Variants in TBC1D16 observed in about 807,000 individuals in gnomAD.
TBC1D16 encodes CTD-2529O21.1.
In TBC1D16, 58 loss-of-function variants were observed where a neutral mutation model predicts 74.7. That is an observed-to-expected ratio of 0.78 (90% CI 0.63 to 0.97). The LOEUF is 0.97. Among genes scored for constraint, TBC1D16 ranks in the 50% least tolerant of loss-of-function variants. The probability of loss-of-function intolerance (pLI) is 0.00; values close to 1 mark genes in which losing one functional copy is unlikely to be tolerated. For missense variants in TBC1D16, 1,014 were observed against 1,079.5 expected, an observed-to-expected ratio of 0.94 and a Z score of 0.85; for synonymous variants, 493 against 474.7, an observed-to-expected ratio of 1.04 and a Z score of -0.50.
intron 3 of TBC1D16, chr17:79,992,952 G>C (rs1460724327): frequency 6.6e-6 from 1 of 152,262 alleles, no homozygotes; most frequent in East Asian, 1.9e-4. Flanking sequence ...GGCTGGTCTC[G>C]ACCCCACTCC....
intron 1 of TBC1D16, among the ~76,000 whole-genome samples, chr17:80,020,697 A>G (rs2036254406): frequency 6.7e-6 from 1 of 150,166 alleles, no homozygotes; most frequent in Non-Finnish European, 1.5e-5. Context: ...TGAAATAATA[A>G]ACTCCACATT....
chr17:79,983,741 G>A lies in TBC1D16; in HGVS notation c.779+26419C>T, dbSNP rs1015453383. ...CTGGGGAGGAAGGAGTGGAGCACTG[G>A]CCTCCTAGGAAGCTCTAGTTCAGAC... On this transcript the variant is annotated intron_variant, in intron 3 of 11. Transcript: ENST00000310924. The surrounding 1 kb of genome is among the most constrained non-coding windows in gnomAD (Gnocchi z 5.6). 5.9e-5 allele frequency among the ~76,000 whole-genome samples: 9 copies of A among 152,068 alleles called. No homozygotes were observed. The highest frequency in any genetic ancestry group is 1.2e-4 in the Non-Finnish European group (8 of 67,926).
At chr17:79,952,330 C>T (rs1234352856) in intron 4 of TBC1D16, 1 of 243,220 alleles carries the variant, frequency 4.1e-6, no homozygotes, top group African/African-American at 2.2e-5. Context: ...CAGAGCATCC[C>T]CCGGCGATCA....
At position 79,952,648 on chromosome 17, in the gene TBC1D16, G is replaced by C. The variant is rs553534912; in HGVS notation, c.941+9C>G. On this transcript the variant is annotated intron_variant, in intron 4 of 11. Transcript: ENST00000310924. ...CAACTCCCAGGAGGCGCCCAGAGATGCTTCCTACCTGAAGAAAAGGCGGAG... is the reference window on the plus strand; with the variant it reads ...CAACTCCCAGGAGGCGCCCAGAGATCCTTCCTACCTGAAGAAAAGGCGGAG... The C allele has an allele frequency of 5.7e-6, 9 of 1,586,246 alleles. No individual in the cohort carries two copies. In the Admixed American group the frequency reaches 1.4e-4, roughly 24 times the overall value.
chr17:79,971,856 G>A lies in TBC1D16; in HGVS notation c.780-19038C>T, dbSNP rs995072996. Among the ~76,000 whole-genome samples, 2 of 152,124 alleles carry A rather than the reference G, an allele frequency of 1.3e-5. No homozygotes were observed. Among genetic ancestry groups the A allele is most frequent in the Non-Finnish European group, 2.9e-5 (2 of 68,024 alleles). ...TGGGGGCTCTGGAAGGCTTCCTCTC[G>A]GAGCAGGTGGCATGGGGGCTGGCTG... On this transcript the variant is annotated intron_variant, in intron 3 of 11. Transcript: ENST00000310924. The surrounding 1 kb of genome is among the most constrained non-coding windows in gnomAD (Gnocchi z 4.6).
Position 79,945,131 on chromosome 17 carries a change from C to T in TBC1D16, c.1729-44G>A, listed in dbSNP as rs370328256. ...CGCGTTAGTTAGCTCCGGTCCCATG[C>T]GGCCTGCTGCCCAGGAAGCCCACTC... is the stretch of plus-strand genomic sequence containing the variant. On this transcript the variant is annotated intron_variant, in intron 9 of 11. Coordinates refer to ENST00000310924, the MANE Select transcript of TBC1D16 (RefSeq NM_019020.4). 654 of 1,508,762 alleles carry T rather than the reference C, an allele frequency of 4.3e-4. 2 individuals carry two copies. Among genetic ancestry groups the T allele is most frequent in the Non-Finnish European group, 4.4e-4 (493 of 1,124,404 alleles). The allele number at this position is 1,508,762 out of a possible 1,614,324, so 93.5% of individuals were successfully genotyped here. A position where few individuals can be genotyped will look rare whatever the true frequency, so the allele number is the denominator to read the frequency against.
At position 79,956,280 on chromosome 17, in the gene TBC1D16, G is replaced by A. The variant is rs1443399316; in HGVS notation, c.780-3462C>T. Reference sequence around the variant, plus strand: ...TGTTTGTTTGTTTTTTAAAGACAAGGTCTCCCTCTATCCCCCTGGCTGAAG... The same window carrying A: ...TGTTTGTTTGTTTTTTAAAGACAAGATCTCCCTCTATCCCCCTGGCTGAAG... On this transcript the variant is annotated intron_variant, in intron 3 of 11. Transcript: ENST00000310924. The surrounding 1 kb of genome is among the most constrained non-coding windows in gnomAD (Gnocchi z 4.0). Among the ~76,000 whole-genome samples, 2 of 152,158 alleles carry A rather than the reference G, an allele frequency of 1.3e-5. No individual in the cohort carries two copies. The highest frequency in any genetic ancestry group is 6.5e-5 in the Admixed American group (1 of 15,272).
rs1309404007 is a variant in TBC1D16 at position 79,980,978 on chromosome 17, C to T, written c.780-28160G>A. Among the ~76,000 whole-genome samples, 1 of 152,188 alleles carries T rather than the reference C, an allele frequency of 6.6e-6. No homozygotes were observed. The highest frequency in any genetic ancestry group is 2.4e-5 in the African/African-American group (1 of 41,440). ...GAGGGAACTGGTGGGTACTCTCCAG[C>T]ACCCCAACCCCAAAGGGCAAACAGT... is the stretch of plus-strand genomic sequence containing the variant. On this transcript the variant is annotated intron_variant, in intron 3 of 11. Transcript: ENST00000310924. This position sits in a 1 kb window ranked among gnomAD's most constrained non-coding sequence, Gnocchi z 7.0.
intron 1 of TBC1D16, among the ~76,000 whole-genome samples, chr17:80,031,487 A>C (rs2036773859): frequency 6.6e-6 from 1 of 151,920 alleles, no homozygotes; most frequent in Non-Finnish European, 1.5e-5. Flanking sequence ...AGAGGCTATA[A>C]CGGGGCAGGA....
At chr17:80,028,889 C>T (rs1240877704) in intron 1 of TBC1D16, among the ~76,000 whole-genome samples, 6 of 152,036 alleles carry the variant, frequency 3.9e-5, no homozygotes, top group Admixed American at 2.0e-4. Context: ...CGGGATTACA[C>T]GCGTGAGCCA....
chr17:80,000,688 G>A lies in TBC1D16; in HGVS notation c.779+9472C>T, dbSNP rs974657706. Reference sequence around the variant, plus strand: ...ACACAGTGATGATGACTGTCTATCTGCCCTGTACTGAGCCCTCTGTGCAGA... The same window carrying A: ...ACACAGTGATGATGACTGTCTATCTACCCTGTACTGAGCCCTCTGTGCAGA... On this transcript the variant is annotated intron_variant, in intron 3 of 11. Coordinates refer to ENST00000310924, the MANE Select transcript of TBC1D16 (RefSeq NM_019020.4). This position sits in a 1 kb window ranked among gnomAD's most constrained non-coding sequence, Gnocchi z 4.1. Among the ~76,000 whole-genome samples the A allele has an allele frequency of 6.6e-6, 1 of 152,228 alleles. No homozygotes were observed. The highest frequency in any genetic ancestry group is 1.5e-5 in the Non-Finnish European group (1 of 68,042).
In TBC1D16 at chr17:79,948,858, T is replaced by G. The variant is rs773023120; in HGVS notation, c.1541+14A>C. On this transcript the variant is annotated intron_variant, in intron 8 of 11. Coordinates refer to ENST00000310924, the MANE Select transcript of TBC1D16 (RefSeq NM_019020.4). ...ACTTGCAGATGGGAAAGGAGCTGGC[T>G]GGGGAGGGAGTACCTCATGCTCTCC... The G allele has an allele frequency of 6.2e-7, 1 of 1,614,012 alleles. No individual in the cohort carries two copies. Among genetic ancestry groups the G allele is most frequent in the African/African-American group, 1.3e-5 (1 of 75,054 alleles).
rs927849948 is a variant in TBC1D16, at chr17:80,000,363, G to C, written c.779+9797C>G. On this transcript the variant is annotated intron_variant, in intron 3 of 11. Transcript: ENST00000310924. This position sits in a 1 kb window ranked among gnomAD's most constrained non-coding sequence, Gnocchi z 4.1. ...GACTGGCATCCGTATGAGAAGAAGA[G>C]AGGGCACACAAAGGGACACACCCTG... 5.3e-5 allele frequency among the ~76,000 whole-genome samples: 8 copies of C among 152,200 alleles called. No individual in the cohort carries two copies. The highest frequency in any genetic ancestry group is 1.3e-4 in the Admixed American group (2 of 15,284).
At chr17:79,991,530 G>A (rs2035057467) in intron 3 of TBC1D16, among the ~76,000 whole-genome samples, 2 of 152,198 alleles carry the variant, frequency 1.3e-5, no homozygotes, top group Non-Finnish European at 2.9e-5. Context: ...CCTGGCCCAA[G>A]TGAGTGTGCA....
chr17:79,996,986 C>A (rs534161464), intron 3 of TBC1D16, among the ~76,000 whole-genome samples: 1 of 152,144 alleles, frequency 6.6e-6, no homozygotes, highest in South Asian at 2.1e-4. Flanking sequence ...CACAGGACAG[C>A]TTGGATAGAG....
chr17:79,991,666 C>T (rs939714780), intron 3 of TBC1D16, among the ~76,000 whole-genome samples: 5 of 132,136 alleles, frequency 3.8e-5, no homozygotes, highest in Non-Finnish European at 6.2e-5. Context: ...GGGAGGCGCG[C>T]AGGCAGTGCT....
At chr17:80,016,357 C>T (rs2036090814) in intron 1 of TBC1D16, among the ~76,000 whole-genome samples, 1 of 152,152 alleles carries the variant, frequency 6.6e-6, no homozygotes, top group Non-Finnish European at 1.5e-5. Flanking sequence ...GGCTCTACAA[C>T]ATGATCGTAC....
chr17:80,030,953 C>A (rs1282871995), intron 1 of TBC1D16, among the ~76,000 whole-genome samples: 1 of 152,236 alleles, frequency 6.6e-6, no homozygotes, highest in Non-Finnish European at 1.5e-5. Flanking sequence ...AGGGAAACAG[C>A]GACACCTTAT....
At chr17:80,002,188 G>C (rs1369712506) in intron 3 of TBC1D16, among the ~76,000 whole-genome samples, 2 of 152,204 alleles carry the variant, frequency 1.3e-5, no homozygotes, top group African/African-American at 4.8e-5. Flanking sequence ...CAAGCGCACT[G>C]GCTCTAGCTC....
Sources: allele counts gnomAD v4.1 joint callset (sites outside exome capture counted in the v4.1 genomes callset), GRCh38; gene constraint gnomAD v4.1.1; non-coding constraint Gnocchi (gnomAD v3.1); transcripts MANE v1.5; gene names NCBI Gene and HGNC (gene_info 2026-07-23, HGNC 2026-07-21).